The following C1orf159 variants were observed in gnomAD, a reference collection of about 807,000 sequenced individuals.
The protein encoded by C1orf159 is chromosome 1 open reading frame 159, also known as uncharacterized protein C1orf159.
C1orf159 carries 19 observed loss-of-function variants against 25.6 expected under a neutral mutation model. That is an observed-to-expected ratio of 0.74 (90% CI 0.52 to 1.09). C1orf159 has a LOEUF of 1.09. C1orf159 is among the 50% of genes least tolerant of loss of function. The probability of loss-of-function intolerance (pLI) is 0.00; values close to 1 mark genes in which losing one functional copy is unlikely to be tolerated. For missense variants in C1orf159, 274 were observed against 290.6 expected, an observed-to-expected ratio of 0.94 and a Z score of 0.42; for synonymous variants, 139 against 124.7, an observed-to-expected ratio of 1.12 and a Z score of -0.77.
intron 6 of C1orf159, 86 bp from the exon 7 acceptor site, chr1:1,086,098 T>G: frequency 1.3e-6 from 2 of 1,497,336 alleles, no homozygotes; most frequent in Non-Finnish European, 1.8e-6. Flanking sequence ...ACATGGCAGA[T>G]GCGCTGCTCT....
chr1:1,113,049 A>T (rs1057509866), intron 1 of C1orf159, among the ~76,000 whole-genome samples: 10 of 152,144 alleles, frequency 6.6e-5, no homozygotes, highest in Non-Finnish European at 1.2e-4. Flanking sequence ...ACAAAAAATT[A>T]GCCGGTTGTG....
In C1orf159 at chr1:1,082,611, C is replaced by G; in HGVS notation, c.*282G>C. 2.1e-6 allele frequency: 1 copy of G among 469,902 alleles called. No individual in the cohort carries two copies. The highest frequency in any genetic ancestry group is 3.9e-6 in the Non-Finnish European group (1 of 258,018). The allele number at this position is 469,902 out of a possible 1,614,324, so 29.1% of individuals were successfully genotyped here. A position where few individuals can be genotyped will look rare whatever the true frequency, so the allele number is the denominator to read the frequency against. Reference sequence around the variant, plus strand: ...CAGGCGCTGGGGCCTCACCGTGTTTCCTGGGGGGGCCCGGACCCCCCAAGG... The same window carrying G: ...CAGGCGCTGGGGCCTCACCGTGTTTGCTGGGGGGGCCCGGACCCCCCAAGG... On this transcript the variant is annotated 3_prime_UTR_variant, in exon 10 of 10. Transcript: ENST00000421241.
chr1:1,109,798 C>T (rs1386268710), intron 1 of C1orf159, among the ~76,000 whole-genome samples: 13 of 152,198 alleles, frequency 8.5e-5, no homozygotes, highest in Admixed American at 8.5e-4. Context: ...TTCACATTTA[C>T]ATGTAAGACA....
chr1:1,087,425 C>T lies in C1orf159; in HGVS notation c.244+77G>A. 4 of 1,381,416 alleles carry T rather than the reference C, an allele frequency of 2.9e-6. No homozygotes were observed. Among genetic ancestry groups the T allele is most frequent in the Non-Finnish European group, 4.0e-6 (4 of 1,010,766 alleles). 85.6% of individuals were successfully genotyped at this position (1,381,416 alleles called of 1,614,324 possible). ...CAGTGGCTCTGGGGCAAGGTGGGGA[C>T]ACAGACAGCAACTCCCACAGTGTCT... is the stretch of plus-strand genomic sequence containing the variant. On this transcript the variant is annotated intron_variant, in intron 5 of 9. Transcript: ENST00000421241. The surrounding 1 kb of genome is among the most constrained non-coding windows in gnomAD (Gnocchi z 8.3).
intron 3 of C1orf159, chr1:1,091,050 C>A: frequency 7.6e-7 from 1 of 1,311,154 alleles, no homozygotes; most frequent in Non-Finnish European, 1.1e-6. Flanking sequence ...TCCACACCGC[C>A]AGGGAGGGGC....
At chr1:1,091,234 G>C (rs773224431) in intron 3 of C1orf159, 2 of 628,624 alleles carry the variant, frequency 3.2e-6, no homozygotes, top group Admixed American at 5.8e-5. Flanking sequence ...ATGCCTCACC[G>C]TGGGGGCCCC....
intron 6 of C1orf159, among the ~76,000 whole-genome samples, chr1:1,086,710 C>T (rs1001546033): frequency 5.9e-5 from 9 of 152,234 alleles, no homozygotes; most frequent in Non-Finnish European, 7.3e-5. Flanking sequence ...AGCTCAGGGC[C>T]GTGAGTGTGA....
At chr1:1,112,853 T>C (rs942574988) in intron 1 of C1orf159, among the ~76,000 whole-genome samples, 1 of 152,264 alleles carries the variant, frequency 6.6e-6, no homozygotes, top group African/African-American at 2.4e-5. Flanking sequence ...GTACTTCCTT[T>C]CCTTCCTGCT....
chr1:1,100,217 G>A (rs908294780), intron 1 of C1orf159, among the ~76,000 whole-genome samples: 24 of 152,118 alleles, frequency 1.6e-4, no homozygotes, highest in Non-Finnish European at 1.8e-4. Context: ...TTTAACTGGA[G>A]GGTTTAATTC....
chr1:1,083,262 G>A (rs1645773776), intron 9 of C1orf159: 1 of 432,396 alleles, frequency 2.3e-6, no homozygotes, highest in Non-Finnish European at 4.1e-6. Flanking sequence ...GATCCCCGAA[G>A]ACAGAGATGT....
chr1:1,087,578 GT>G lies in C1orf159; in HGVS notation c.167del (p.Asn56ThrfsTer36). 6.5e-7 allele frequency: 1 copy of G among 1,547,912 alleles called. No individual in the cohort carries two copies. Among genetic ancestry groups the G allele is most frequent in the Non-Finnish European group, 8.7e-7 (1 of 1,146,518 alleles). On this transcript the variant is annotated frameshift_variant, in exon 5 of 10. Transcript: ENST00000421241. LOFTEE classifies it high-confidence loss of function. The surrounding 1 kb of genome is among the most constrained non-coding windows in gnomAD (Gnocchi z 8.3). ...GGACGCAGCTGGCGCTCCCGTCCGCGTTCCAGCGCCTGTAACAGCCTGCGTG... is the reference window on the plus strand; with the variant it reads ...GGACGCAGCTGGCGCTCCCGTCCGCGTCCAGCGCCTGTAACAGCCTGCGTG... ...LCGPGCYRRW[N>X]ADGSASCVRC...
chr1:1,088,278 G>A (rs1389311180), intron 4 of C1orf159, among the ~76,000 whole-genome samples: 1 of 48,110 alleles, frequency 2.1e-5, no homozygotes, highest in Admixed American at 3.1e-4. Context: ...ACCTCCCCAC[G>A]CCTCCCTGGG....
intron 1 of C1orf159, among the ~76,000 whole-genome samples, chr1:1,109,378 G>A (rs1371273356): frequency 6.6e-6 from 1 of 152,146 alleles, no homozygotes; most frequent in African/African-American, 2.4e-5. Flanking sequence ...TGGGGGGCAG[G>A]GAGGAATGGG....
At chr1:1,102,804 A>G (rs1407759977) in intron 1 of C1orf159, among the ~76,000 whole-genome samples, 3 of 151,646 alleles carry the variant, frequency 2.0e-5, no homozygotes, top group Non-Finnish European at 4.4e-5. Context: ...TCAAAAATAA[A>G]TAAATAAAAT....
At chr1:1,114,901 A>T (rs1285565513) in intron 1 of C1orf159, 1 of 152,160 alleles carries the variant, frequency 6.6e-6, no homozygotes, top group Non-Finnish European at 1.5e-5. Context: ...ATAAAAAGCT[A>T]CAAATAGGGT....
chr1:1,095,735 C>T (rs1439445489), intron 1 of C1orf159, among the ~76,000 whole-genome samples: 1 of 152,128 alleles, frequency 6.6e-6, no homozygotes, highest in East Asian at 1.9e-4. Context: ...GGGTGTCATC[C>T]TTGTTCTTGA....
chr1:1,092,290 C>T (rs1186823957), intron 1 of C1orf159, 187 bp from the exon 2 acceptor site: 15 of 230,864 alleles, frequency 6.5e-5, no homozygotes, highest in South Asian at 3.5e-4. Flanking sequence ...GGCCTCCTGG[C>T]CTCCTGCGGG....
intron 1 of C1orf159, among the ~76,000 whole-genome samples, chr1:1,094,622 G>A (rs777548412): frequency 1.6e-4 from 24 of 152,192 alleles, no homozygotes; most frequent in South Asian, 8.3e-4. Context: ...GGATGGTCTC[G>A]ATCTCCTGAC....
chr1:1,085,365 A>T, intron 7 of C1orf159: 2 of 340,638 alleles, frequency 5.9e-6, no homozygotes, highest in South Asian at 4.2e-5. Flanking sequence ...CCCCGCCTGA[A>T]GGCACCACAG....
Sources: allele counts gnomAD v4.1 joint callset (sites outside exome capture counted in the v4.1 genomes callset), GRCh38; gene constraint gnomAD v4.1.1; non-coding constraint Gnocchi (gnomAD v3.1); transcripts MANE v1.5; gene names NCBI Gene and HGNC (gene_info 2026-07-23, HGNC 2026-07-21).